ATG5: variants seen among roughly 807,000 people sequenced by gnomAD.
ATG5 encodes autophagy protein 5.
A neutral mutation model predicts 36.5 loss-of-function variants in ATG5; 14 were observed. That is an observed-to-expected ratio of 0.38 (90% CI 0.25 to 0.60). ATG5 has a LOEUF of 0.60. ATG5 is among the 20% of genes least tolerant of loss of function. The pLI, the probability that ATG5 is intolerant of heterozygous loss-of-function variation, is 0.60. For missense variants in ATG5, 195 were observed against 326.7 expected, an observed-to-expected ratio of 0.60 and a Z score of 3.11; for synonymous variants, 95 against 101.5, an observed-to-expected ratio of 0.94 and a Z score of 0.38.
At chr6:106,250,809 A>G (rs1223409630) in intron 5 of ATG5, among the ~76,000 whole-genome samples, 1 of 152,238 alleles carries the variant, frequency 6.6e-6, no homozygotes, top group Admixed American at 6.5e-5. Context: ...AAAAAGAAAC[A>G]TGATTGTGCC....
intron 3 of ATG5, among the ~76,000 whole-genome samples, chr6:106,302,138 T>C (rs1246251036): frequency 1.3e-5 from 2 of 152,036 alleles, no homozygotes; most frequent in Non-Finnish European, 2.9e-5. Flanking sequence ...ATAGTTAAGC[T>C]AGATGTTAGA....
At chr6:106,243,816 G>C (rs191394254) in intron 6 of ATG5, among the ~76,000 whole-genome samples, 60 of 148,480 alleles carry the variant, frequency 4.0e-4, no homozygotes, top group Admixed American at 3.4e-3. Context: ...GGGCGACAGA[G>C]CAAGACTTCA....
chr6:106,232,251 C>T (rs957164713), intron 6 of ATG5, among the ~76,000 whole-genome samples: 2 of 152,126 alleles, frequency 1.3e-5, no homozygotes, highest in Non-Finnish European at 2.9e-5. Flanking sequence ...TCCCAGACAA[C>T]GGTCCTCCAG....
intron 6 of ATG5, among the ~76,000 whole-genome samples, chr6:106,223,555 TGTAA>T (rs1388034534): frequency 2.0e-5 from 3 of 152,178 alleles, no homozygotes; most frequent in Non-Finnish European, 2.9e-5. Flanking sequence ...TTAAAAGGTG[TGTAA>T]GTAGGAAATA....
chr6:106,201,801 A>G, intron 7 of ATG5, 171 bp downstream of exon 7: 1 of 393,594 alleles, frequency 2.5e-6, no homozygotes. Flanking sequence ...GTTAGTCAAT[A>G]ATTTACAAAA....
chr6:106,219,107 A>T (rs1035303941), intron 6 of ATG5, among the ~76,000 whole-genome samples: 2 of 152,164 alleles, frequency 1.3e-5, no homozygotes, highest in Non-Finnish European at 1.5e-5. Context: ...CGAGCAGAAT[A>T]AATTCTTTTG....
intron 6 of ATG5, among the ~76,000 whole-genome samples, chr6:106,223,949 T>C (rs958223052): frequency 6.6e-6 from 1 of 152,240 alleles, no homozygotes; most frequent in African/African-American, 2.4e-5. Context: ...CCAGCCTCTA[T>C]GGCTCTAATA....
intron 6 of ATG5, among the ~76,000 whole-genome samples, chr6:106,227,492 CG>C (rs1777492820): frequency 1.3e-5 from 2 of 152,042 alleles, no homozygotes; most frequent in South Asian, 4.2e-4. Context: ...GCTACTCAGG[CG>C]GCTAAGGTGG....
rs542567440 is a variant in ATG5 at position 106,316,076 on chromosome 6, C to T, written c.108+25G>A. 3 of 1,554,502 alleles carry T rather than the reference C, an allele frequency of 1.9e-6. No homozygotes were observed. The Admixed American group carries it at 5.4e-5, about 28-fold the overall frequency. ...CAAAAATGGACAAGGTTAAATATCCCATTTGCCACAATCAATGTACTTACA... is the reference window on the plus strand; with the variant it reads ...CAAAAATGGACAAGGTTAAATATCCTATTTGCCACAATCAATGTACTTACA... On this transcript the variant is annotated intron_variant, in intron 2 of 7. Transcript: ENST00000369076.
At chr6:106,238,992 T>G (rs1778002942) in intron 6 of ATG5, among the ~76,000 whole-genome samples, 1 of 152,152 alleles carries the variant, frequency 6.6e-6, no homozygotes, top group South Asian at 2.1e-4. Flanking sequence ...TTAGAAACGC[T>G]AGAAGGAAAT....
intron 5 of ATG5, among the ~76,000 whole-genome samples, chr6:106,276,464 CAAAA>C (rs35078793): frequency 4.6e-5 from 5 of 109,400 alleles, no homozygotes; most frequent in African/African-American, 3.8e-5. Context: ...ACTCTGTCTC[CAAAA>C]AAAAAAAAAA....
intron 3 of ATG5, among the ~76,000 whole-genome samples, chr6:106,307,072 T>C (rs1770473974): frequency 6.6e-6 from 1 of 152,214 alleles, no homozygotes; most frequent in Non-Finnish European, 1.5e-5. Context: ...TTGTAATCCA[T>C]TATGAAAAAT....
chr6:106,197,623 G>T (rs2114339132), intron 7 of ATG5, among the ~76,000 whole-genome samples: 1 of 151,976 alleles, frequency 6.6e-6, no homozygotes, highest in Middle Eastern at 3.4e-3. Context: ...ACAAGAGCTG[G>T]TTATTATAAA....
At chr6:106,284,898 T>A (rs1187632632) in intron 4 of ATG5, among the ~76,000 whole-genome samples, 3 of 152,226 alleles carry the variant, frequency 2.0e-5, no homozygotes, top group Admixed American at 6.5e-5. Context: ...ATTAAACTGT[T>A]ATTAGATAGT....
chr6:106,222,973 T>C (rs2114434047), intron 6 of ATG5, among the ~76,000 whole-genome samples: 2 of 152,336 alleles, frequency 1.3e-5, no homozygotes, highest in South Asian at 4.1e-4. Flanking sequence ...TTTTTTAATC[T>C]TAAAAATATT....
At chr6:106,260,552 C>T (rs1007648449) in intron 5 of ATG5, among the ~76,000 whole-genome samples, 2 of 152,158 alleles carry the variant, frequency 1.3e-5, no homozygotes, top group Non-Finnish European at 2.9e-5. Flanking sequence ...GATGAACAAA[C>T]GTGTTCATTT....
intron 1 of ATG5, among the ~76,000 whole-genome samples, chr6:106,319,722 A>G (rs1176749396): frequency 6.6e-6 from 1 of 152,196 alleles, no homozygotes; most frequent in Non-Finnish European, 1.5e-5. Context: ...ATTTATTTGT[A>G]CGTCTCCTCC....
intron 6 of ATG5, among the ~76,000 whole-genome samples, chr6:106,206,902 G>T (rs191735414): frequency 7.9e-4 from 120 of 152,194 alleles, no homozygotes; most frequent in Middle Eastern, 3.4e-3. Context: ...TCCACAAATA[G>T]GAATGCTGTA....
At chr6:106,198,124 A>G (rs561194424) in intron 7 of ATG5, among the ~76,000 whole-genome samples, 1 of 152,214 alleles carries the variant, frequency 6.6e-6, no homozygotes, top group Admixed American at 6.5e-5. Flanking sequence ...AAAATGAACT[A>G]AAAAAGTAAG....
Sources: gnomAD v4.1 joint callset for allele counts (sites outside exome capture counted in the v4.1 genomes callset) on GRCh38, gnomAD v4.1.1 for gene constraint, MANE v1.5 for transcripts, NCBI Gene and HGNC (gene_info 2026-07-23, HGNC 2026-07-21) for gene names.